PRKCE: variants seen among roughly 807,000 people sequenced by gnomAD.
PRKCE encodes protein kinase C epsilon.
Under a neutral mutation model 85.4 loss-of-function variants are expected in PRKCE, and 16 were observed. The observed-to-expected ratio is 0.19, with a 90% CI of 0.13 to 0.28. PRKCE has a LOEUF of 0.28. Ranked by LOEUF, PRKCE falls within the 10% of genes least tolerant of loss-of-function variation. The pLI is 1.00. For synonymous variants in PRKCE, 388 were observed against 371.5 expected (o/e 1.04, Z -0.51); for missense variants, 573 against 975.2 (o/e 0.59, Z 5.49).
At chr2:46,033,483 T>C (rs963640778) in intron 10 of PRKCE, among the ~76,000 whole-genome samples, 4 of 152,204 alleles carry the variant, frequency 2.6e-5, no homozygotes, top group African/African-American at 9.7e-5. Context: ...ATTGGCAAAT[T>C]GTAGGTCCCA....
chr2:46,143,003 A>T (rs1675707435), intron 11 of PRKCE, among the ~76,000 whole-genome samples: 1 of 152,184 alleles, frequency 6.6e-6, no homozygotes, highest in African/African-American at 2.4e-5. Context: ...AACCAATGTG[A>T]AGGCAGGAGG....
At chr2:46,012,854 AAC>A (rs1705804476) in intron 10 of PRKCE, among the ~76,000 whole-genome samples, 1 of 152,232 alleles carries the variant, frequency 6.6e-6, no homozygotes, top group Admixed American at 6.5e-5. Context: ...GGTGTTGAAT[AAC>A]ACCAGGGATT....
chr2:45,772,209 G>T (rs1439082356), intron 1 of PRKCE, among the ~76,000 whole-genome samples: 2 of 151,956 alleles, frequency 1.3e-5, no homozygotes, highest in African/African-American at 4.8e-5. Flanking sequence ...GGAGACTAAG[G>T]TAGAAGGATT....
chr2:45,806,909 G>C (rs567507634), intron 1 of PRKCE, among the ~76,000 whole-genome samples: 121 of 152,300 alleles, frequency 7.9e-4, no homozygotes, highest in African/African-American at 2.7e-3. Flanking sequence ...GCTTCTGTGA[G>C]GCTTCTTTAA....
chr2:45,749,362 C>G (rs555964135), intron 1 of PRKCE, among the ~76,000 whole-genome samples: 1 of 152,310 alleles, frequency 6.6e-6, no homozygotes, highest in South Asian at 2.1e-4. Flanking sequence ...ATCTTCAGCT[C>G]ATACGTTATT....
At chr2:45,818,559 T>G (rs2105318197) in intron 1 of PRKCE, among the ~76,000 whole-genome samples, 1 of 152,290 alleles carries the variant, frequency 6.6e-6, no homozygotes, top group East Asian at 1.9e-4. Flanking sequence ...AACTTACACT[T>G]TGAGATTCAA....
intron 1 of PRKCE, among the ~76,000 whole-genome samples, chr2:45,671,383 G>A (rs763885877): frequency 1.3e-5 from 2 of 152,098 alleles, no homozygotes; most frequent in Non-Finnish European, 2.9e-5. Flanking sequence ...CACATGCACG[G>A]GTATATAGTC....
chr2:45,892,078 T>C (rs1301363643), intron 2 of PRKCE, among the ~76,000 whole-genome samples: 2 of 152,250 alleles, frequency 1.3e-5, no homozygotes, highest in African/African-American at 4.8e-5. Context: ...CTTCTCTCCA[T>C]GTAAGCAGGT....
chr2:46,089,314 C>T (rs961809569), intron 11 of PRKCE, among the ~76,000 whole-genome samples: 7 of 152,176 alleles, frequency 4.6e-5, no homozygotes, highest in Admixed American at 3.3e-4. Context: ...CCATTATTTC[C>T]AGAGCCCCAC....
At chr2:46,179,970 A>AT (rs1679808633) in intron 14 of PRKCE, among the ~76,000 whole-genome samples, 1 of 152,124 alleles carries the variant, frequency 6.6e-6, no homozygotes, top group Non-Finnish European at 1.5e-5. Flanking sequence ...GCATTTATTA[A>AT]TTTTTTCTAG....
intron 1 of PRKCE, among the ~76,000 whole-genome samples, chr2:45,753,477 AG>A (rs1222791898): frequency 6.6e-6 from 1 of 150,944 alleles, no homozygotes; most frequent in African/African-American, 2.5e-5. Flanking sequence ...ATACCAAAAA[AG>A]TAATATCATA....
At chr2:45,712,018 C>A (rs995604355) in intron 1 of PRKCE, among the ~76,000 whole-genome samples, 29 of 151,988 alleles carry the variant, frequency 1.9e-4, no homozygotes, top group Admixed American at 5.9e-4. Context: ...GTGACGGGGG[C>A]AGATCCTCAG....
intron 1 of PRKCE, among the ~76,000 whole-genome samples, chr2:45,792,805 A>T (rs909361228): frequency 6.6e-6 from 1 of 151,928 alleles, no homozygotes; most frequent in African/African-American, 2.4e-5. Flanking sequence ...TAATTAATTA[A>T]TTTTTTTTGT....
At chr2:45,917,373 G>C (rs1320660215) in intron 2 of PRKCE, among the ~76,000 whole-genome samples, 1 of 151,918 alleles carries the variant, frequency 6.6e-6, no homozygotes. Context: ...GTGCCAATTG[G>C]TGTATTTACA....
At chr2:46,095,535 C>T (rs183582688) in intron 11 of PRKCE, among the ~76,000 whole-genome samples, 15 of 152,342 alleles carry the variant, frequency 9.8e-5, no homozygotes, top group Admixed American at 2.6e-4. Flanking sequence ...TCTTTTCTCT[C>T]GCTCCACATC....
intron 1 of PRKCE, among the ~76,000 whole-genome samples, chr2:45,700,993 C>A (rs1356313102): frequency 6.6e-6 from 1 of 152,124 alleles, no homozygotes; most frequent in Non-Finnish European, 1.5e-5. Flanking sequence ...CTTGCTAACA[C>A]CTTGATTTTG....
At chr2:46,088,180 G>A (rs1396932431) in intron 11 of PRKCE, among the ~76,000 whole-genome samples, 1 of 152,162 alleles carries the variant, frequency 6.6e-6, no homozygotes, top group Non-Finnish European at 1.5e-5. Context: ...GCATGAGTTG[G>A]GGGTCACTTT....
chr2:45,763,116 G>A (rs919397956), intron 1 of PRKCE, among the ~76,000 whole-genome samples: 4 of 151,966 alleles, frequency 2.6e-5, no homozygotes, highest in South Asian at 4.2e-4. Context: ...CACCACACCC[G>A]GCTAATTTTT....
intron 1 of PRKCE, among the ~76,000 whole-genome samples, chr2:45,689,171 T>C (rs573146380): frequency 6.6e-6 from 1 of 152,230 alleles, no homozygotes; most frequent in Non-Finnish European, 1.5e-5. Flanking sequence ...ACAGCTCTTG[T>C]GGCACATTCG....
Sources: gnomAD v4.1 joint callset for allele counts (sites outside exome capture counted in the v4.1 genomes callset) on GRCh38, gnomAD v4.1.1 for gene constraint, MANE v1.5 for transcripts, NCBI Gene and HGNC (gene_info 2026-07-23, HGNC 2026-07-21) for gene names.